ZNF804A: variants seen among roughly 807,000 people sequenced by gnomAD.
ZNF804A encodes zinc finger protein 804A.
Under a neutral mutation model 16.5 loss-of-function variants are expected in ZNF804A, and 2 were observed. The observed-to-expected ratio is 0.12, with a 90% CI of 0.05 to 0.38. The LOEUF is 0.38. Ranked by LOEUF, ZNF804A falls within the 10% of genes least tolerant of loss-of-function variation. The pLI, the probability that ZNF804A is intolerant of heterozygous loss-of-function variation, is 0.99. For missense variants in ZNF804A, 1,473 were observed against 1,390.7 expected, an observed-to-expected ratio of 1.06 and a Z score of -0.94; for synonymous variants, 534 against 489.6, an observed-to-expected ratio of 1.09 and a Z score of -1.20.
chr2:184,720,642 T>C (rs1693297653), intron 1 of ZNF804A, among the ~76,000 whole-genome samples: 1 of 152,144 alleles, frequency 6.6e-6, no homozygotes, highest in African/African-American at 2.4e-5. Context: ...CTTATAATCA[T>C]GGATCAGAAG....
chr2:184,866,745 C>T (rs111685020), intron 2 of ZNF804A, among the ~76,000 whole-genome samples: 323 of 149,186 alleles, frequency 2.2e-3, no homozygotes, highest in Middle Eastern at 7.1e-3. Flanking sequence ...AAAGAAATAC[C>T]ATTCAATTGC....
At chr2:184,684,022 T>C (rs1692585186) in intron 1 of ZNF804A, among the ~76,000 whole-genome samples, 1 of 152,212 alleles carries the variant, frequency 6.6e-6, no homozygotes, top group Non-Finnish European at 1.5e-5. Flanking sequence ...TCCTCTTCCA[T>C]ATTTAGTTTG....
chr2:184,890,983 A>G (rs547428252), intron 2 of ZNF804A, among the ~76,000 whole-genome samples: 2 of 152,180 alleles, frequency 1.3e-5, no homozygotes, highest in East Asian at 3.9e-4. Flanking sequence ...TTAATCAAGG[A>G]GGTTTTACAC....
At chr2:184,883,210 C>T (rs778216362) in intron 2 of ZNF804A, among the ~76,000 whole-genome samples, 8 of 152,028 alleles carry the variant, frequency 5.3e-5, no homozygotes, top group Non-Finnish European at 1.0e-4. Flanking sequence ...ATACAACCAT[C>T]CAAGATTGAA....
At chr2:184,722,680 T>C (rs900007081) in intron 1 of ZNF804A, among the ~76,000 whole-genome samples, 3 of 152,010 alleles carry the variant, frequency 2.0e-5, no homozygotes, top group Admixed American at 6.6e-5. Flanking sequence ...TTATAACTTA[T>C]GGTTTGTATA....
chr2:184,636,440 T>C (rs1691698573), intron 1 of ZNF804A, among the ~76,000 whole-genome samples: 2 of 136,776 alleles, frequency 1.5e-5, no homozygotes, highest in East Asian at 4.2e-4. Context: ...TGTGTGTGTG[T>C]GTGTGTGTGT....
chr2:184,709,444 T>G lies in ZNF804A; in HGVS notation c.111+110374T>G, dbSNP rs77071609. On this transcript the variant is annotated intron_variant, in intron 1 of 3. Transcript: ENST00000302277. The stretch of plus-strand genomic sequence containing the variant: ...CTAATACTTCTGATTTCTCTGAAAT[T>G]TTTTTCCTGTTTCCAATATTATTCT... Among the ~76,000 whole-genome samples, 709 of 152,132 alleles carry G rather than the reference T, an allele frequency of 4.7e-3. 12 individuals carry two copies. Among genetic ancestry groups the G allele is most frequent in the African/African-American group, 0.015 (640 of 41,532 alleles).
At chr2:184,836,610 T>C (rs1695349142) in intron 1 of ZNF804A, among the ~76,000 whole-genome samples, 1 of 151,990 alleles carries the variant, frequency 6.6e-6, no homozygotes. Context: ...TGAATGCTGA[T>C]CTTGGAAATA....
chr2:184,609,303 T>C (rs1047534563), intron 1 of ZNF804A, among the ~76,000 whole-genome samples: 55 of 152,122 alleles, frequency 3.6e-4, no homozygotes, highest in African/African-American at 1.3e-3. Context: ...GGGCTCACCA[T>C]TGACTACTGC....
intron 1 of ZNF804A, among the ~76,000 whole-genome samples, chr2:184,721,021 T>C (rs1456958239): frequency 1.3e-5 from 2 of 152,122 alleles, no homozygotes; most frequent in Non-Finnish European, 2.9e-5. Flanking sequence ...ATAAATGATA[T>C]TGGGAAAATT....
intron 1 of ZNF804A, among the ~76,000 whole-genome samples, chr2:184,770,316 A>C (rs1254262483): frequency 2.6e-5 from 4 of 152,088 alleles, no homozygotes; most frequent in Non-Finnish European, 5.9e-5. Context: ...AATACATATT[A>C]TAGTTTGATA....
At chr2:184,614,413 A>G (rs1463899574) in intron 1 of ZNF804A, among the ~76,000 whole-genome samples, 5 of 152,230 alleles carry the variant, frequency 3.3e-5, no homozygotes, top group African/African-American at 1.2e-4. Flanking sequence ...AGCAATGGCA[A>G]CAAAAGCCAA....
chr2:184,630,366 G>T (rs574460042), intron 1 of ZNF804A, among the ~76,000 whole-genome samples: 2 of 152,048 alleles, frequency 1.3e-5, no homozygotes, highest in African/African-American at 2.4e-5. Context: ...GCTCCTTTCA[G>T]GTCCCTTTTA....
intron 2 of ZNF804A, 56 bp from the exon 3 acceptor site, chr2:184,933,547 T>C: frequency 6.6e-7 from 1 of 1,511,620 alleles, no homozygotes; most frequent in South Asian, 1.3e-5. Flanking sequence ...CAATGAAACT[T>C]TAAAACTACT....
intron 1 of ZNF804A, among the ~76,000 whole-genome samples, chr2:184,854,684 GAGA>G (rs1558983011): frequency 6.6e-6 from 1 of 152,010 alleles, no homozygotes; most frequent in Non-Finnish European, 1.5e-5. Context: ...CCTGAAGAAA[GAGA>G]AGGATAAACT....
Position 184,937,787 on chromosome 2 carries a change from G to A in ZNF804A, c.2391G>A (p.Arg797=). ...ATCATTTACCAGAAGAATTTTTGAG[G>A]CCACCAAGTACTTCAGTTGCTCCCT... ...RQNHLPEEFL[R]PPSTSVAPCK... Residue 797 remains arginine, a synonymous_variant, in exon 4 of 4, where the codon AGG becomes AGA. Coordinates refer to ENST00000302277, the MANE Select transcript of ZNF804A (RefSeq NM_194250.2). The A allele has an allele frequency of 6.2e-7, 1 of 1,613,896 alleles. No individual in the cohort carries two copies. The highest frequency in any genetic ancestry group is 1.3e-5 in the African/African-American group (1 of 74,992).
chr2:184,695,981 C>G (rs995908558), intron 1 of ZNF804A, among the ~76,000 whole-genome samples: 26 of 152,074 alleles, frequency 1.7e-4, no homozygotes, highest in Admixed American at 8.5e-4. Context: ...TTTTCATAAA[C>G]ATGATGTGAG....
At chr2:184,773,870 G>A (rs1184785726) in intron 1 of ZNF804A, among the ~76,000 whole-genome samples, 4 of 151,906 alleles carry the variant, frequency 2.6e-5, no homozygotes, top group African/African-American at 9.6e-5. Context: ...CAAGAGGGGA[G>A]CCAACAGAAA....
chr2:184,663,250 C>T (rs1251512332), intron 1 of ZNF804A, among the ~76,000 whole-genome samples: 2 of 152,214 alleles, frequency 1.3e-5, no homozygotes, highest in Non-Finnish European at 2.9e-5. Context: ...CCTGCTCCCA[C>T]TTCCTGGCCT....
Sources: allele counts gnomAD v4.1 joint callset (sites outside exome capture counted in the v4.1 genomes callset), GRCh38; gene constraint gnomAD v4.1.1; transcripts MANE v1.5; gene names NCBI Gene and HGNC (gene_info 2026-07-23, HGNC 2026-07-21).